SGCD: variants seen among roughly 807,000 people sequenced by gnomAD.
SGCD encodes the protein sarcoglycan delta, also known as delta-sarcoglycan.
A neutral mutation model predicts 36.6 loss-of-function variants in SGCD; 18 were observed. That is an observed-to-expected ratio of 0.49 (90% CI 0.34 to 0.73). SGCD has a LOEUF of 0.73. SGCD is among the 30% of genes least tolerant of loss of function. The probability of loss-of-function intolerance (pLI) is 0.01; values close to 1 mark genes in which losing one functional copy is unlikely to be tolerated. For missense variants in SGCD, 387 were observed against 346.7 expected (o/e 1.12, Z -0.92); for synonymous variants, 133 against 130.6 (o/e 1.02, Z -0.12).
At chr5:156,567,491 C>T (rs1437271571) in intron 4 of SGCD, among the ~76,000 whole-genome samples, 1 of 152,122 alleles carries the variant, frequency 6.6e-6, no homozygotes, top group Admixed American at 6.5e-5. Flanking sequence ...AGCCAGCAGG[C>T]TGGAGGCCTT....
At chr5:156,695,535 A>AGATG (rs1409191522) in intron 7 of SGCD, among the ~76,000 whole-genome samples, 9 of 132,668 alleles carry the variant, frequency 6.8e-5, no homozygotes, top group African/African-American at 2.9e-4. Context: ...ATAGATAGAT[A>AGATG]GATAGATAGA....
intron 3 of SGCD, among the ~76,000 whole-genome samples, chr5:156,482,828 T>G (rs1581057174): frequency 6.8e-6 from 1 of 146,154 alleles, no homozygotes; most frequent in South Asian, 2.3e-4. Flanking sequence ...TTTTTTTTTT[T>G]TTTTTTTTTT....
At chr5:156,281,324 GAT>G (rs1451402866) in intron 3 of SGCD, among the ~76,000 whole-genome samples, 2 of 152,016 alleles carry the variant, frequency 1.3e-5, no homozygotes, top group Non-Finnish European at 2.9e-5. Context: ...ATCTCTTTGT[GAT>G]AATGAAGATC....
intron 1 of SGCD, among the ~76,000 whole-genome samples, chr5:156,048,344 G>A (rs1490079848): frequency 6.6e-6 from 1 of 152,152 alleles, no homozygotes; most frequent in African/African-American, 2.4e-5. Flanking sequence ...ACCCAGTAAT[G>A]AGATGGCTGG....
In SGCD at chr5:156,763,768, A is replaced by C. The variant is rs556078005; in HGVS notation, c.*4378A>C. 1 of 151,980 alleles carries C rather than the reference A, an allele frequency of 6.6e-6. No homozygotes were observed. Among genetic ancestry groups the C allele is most frequent in the African/African-American group, 2.4e-5 (1 of 41,368 alleles). The allele number at this position is 151,980 out of a possible 1,614,324, so 9.4% of individuals were successfully genotyped here. A position where few individuals can be genotyped will look rare whatever the true frequency, so the allele number is the denominator to read the frequency against. On this transcript the variant is annotated 3_prime_UTR_variant, in exon 9 of 9. Transcript: ENST00000337851. The stretch of plus-strand genomic sequence containing the variant: ...GGATGACTCTGGAAGTATGAGTATC[A>C]TGGTGGGGAGGAAGGAATTTTTTTT...
At chr5:156,195,649 G>C (rs1272039655) in intron 3 of SGCD, among the ~76,000 whole-genome samples, 1 of 151,942 alleles carries the variant, frequency 6.6e-6, no homozygotes, top group Non-Finnish European at 1.5e-5. Context: ...TTTTTGTTAG[G>C]CTGTTGTCAC....
chr5:155,769,187 T>C, the SGCD span, among the ~76,000 whole-genome samples: 1 of 152,104 alleles, frequency 6.6e-6, no homozygotes, highest in Non-Finnish European at 1.5e-5. Context: ...TAATATTACA[T>C]TGTTTGTGTA....
At chr5:156,426,967 T>C (rs1208639097) in intron 3 of SGCD, among the ~76,000 whole-genome samples, 1 of 152,078 alleles carries the variant, frequency 6.6e-6, no homozygotes, top group African/African-American at 2.4e-5. Context: ...AATTTGCATT[T>C]GAGTAATGTG....
chr5:155,890,887 C>A (rs766998613), intron 1 of SGCD, among the ~76,000 whole-genome samples: 25 of 152,072 alleles, frequency 1.6e-4, no homozygotes, highest in Non-Finnish European at 2.9e-4. Flanking sequence ...AGAGTTCAGT[C>A]GGCCTAGCTT....
At chr5:156,617,999 A>G (rs914742913) in intron 6 of SGCD, among the ~76,000 whole-genome samples, 4 of 152,258 alleles carry the variant, frequency 2.6e-5, no homozygotes, top group African/African-American at 9.6e-5. Context: ...ACTTAAATGT[A>G]TTCAGGTTCT....
At chr5:156,286,314 C>T (rs1205954246) in intron 3 of SGCD, among the ~76,000 whole-genome samples, 1 of 152,120 alleles carries the variant, frequency 6.6e-6, no homozygotes, top group Non-Finnish European at 1.5e-5. Context: ...CCCAGCCATC[C>T]CATTACTGGG....
At chr5:155,853,188 AT>A in the SGCD span, among the ~76,000 whole-genome samples, 1 of 152,172 alleles carries the variant, frequency 6.6e-6, no homozygotes, top group African/African-American at 2.4e-5. Context: ...TATTACTGTT[AT>A]TTAACAGTTG....
At chr5:155,910,204 C>T (rs1756602001) in intron 1 of SGCD, among the ~76,000 whole-genome samples, 1 of 151,982 alleles carries the variant, frequency 6.6e-6, no homozygotes, top group African/African-American at 2.4e-5. Flanking sequence ...CCTCGACTAA[C>T]ATAGTGTTAT....
rs1757499162 is a variant in SGCD, at chr5:156,761,520, G to A, written c.*2130G>A. ...ATGTATCAATACAGGGTTTTTCCAAGCCAGGAAACGCCCTCCTTGGCTACT... is the reference window on the plus strand; with the variant it reads ...ATGTATCAATACAGGGTTTTTCCAAACCAGGAAACGCCCTCCTTGGCTACT... On this transcript the variant is annotated 3_prime_UTR_variant, in exon 9 of 9. Transcript: ENST00000337851. The A allele has an allele frequency of 1.3e-5, 2 of 152,124 alleles. No individual in the cohort carries two copies. The highest frequency in any genetic ancestry group is 2.1e-4 in the South Asian group (1 of 4,822). 9.4% of individuals were successfully genotyped at this position (152,124 alleles called of 1,614,324 possible).
At chr5:156,251,793 C>A (rs1219388844) in intron 3 of SGCD, among the ~76,000 whole-genome samples, 2 of 152,108 alleles carry the variant, frequency 1.3e-5, no homozygotes, top group Non-Finnish European at 2.9e-5. Context: ...GGATTACAGG[C>A]ATGAGCCACT....
intron 2 of SGCD, among the ~76,000 whole-genome samples, chr5:156,338,789 CAG>C (rs1420010332): frequency 2.0e-5 from 3 of 152,086 alleles, no homozygotes; most frequent in Non-Finnish European, 4.4e-5. Context: ...ATGGTCATCA[CAG>C]AGTCACTGAG....
chr5:156,072,099 G>T (rs1018010819), intron 1 of SGCD, among the ~76,000 whole-genome samples: 4 of 152,208 alleles, frequency 2.6e-5, no homozygotes, highest in East Asian at 1.9e-4. Flanking sequence ...GCCAGTCTGT[G>T]TCTTTTAATT....
At chr5:156,139,590 C>A (rs770712247) in intron 3 of SGCD, among the ~76,000 whole-genome samples, 1 of 152,184 alleles carries the variant, frequency 6.6e-6, no homozygotes, top group African/African-American at 2.4e-5. Flanking sequence ...TTCTTTAATA[C>A]CTTTAAAGAA....
chr5:156,260,131 A>G (rs1410188538), intron 3 of SGCD, among the ~76,000 whole-genome samples: 1 of 152,218 alleles, frequency 6.6e-6, no homozygotes, highest in African/African-American at 2.4e-5. Flanking sequence ...TTATATGAAT[A>G]TCATGTGGTC....
Sources: gnomAD v4.1 joint callset for allele counts (sites outside exome capture counted in the v4.1 genomes callset) on GRCh38, gnomAD v4.1.1 for gene constraint, MANE v1.5 for transcripts, NCBI Gene and HGNC (gene_info 2026-07-23, HGNC 2026-07-21) for gene names.